Variants in SDC1 observed in about 807,000 individuals in gnomAD.
SDC1 encodes the protein syndecan-1.
SDC1 carries 14 observed loss-of-function variants against 29.7 expected under a neutral mutation model. That is an observed-to-expected ratio of 0.47 (90% CI 0.31 to 0.74). The LOEUF (loss-of-function observed/expected upper bound fraction) is 0.74, where lower values mean the gene tolerates loss of function less well. SDC1 is among the 30% of genes least tolerant of loss of function. The pLI, the probability that SDC1 is intolerant of heterozygous loss-of-function variation, is 0.05. For synonymous variants in SDC1, 204 were observed against 175.5 expected (o/e 1.16, Z -1.29); for missense variants, 406 against 400.3 (o/e 1.01, Z -0.12).
intron 1 of SDC1, among the ~76,000 whole-genome samples, chr2:20,219,791 G>A (rs768689120): frequency 1.6e-4 from 25 of 152,320 alleles, no homozygotes; most frequent in African/African-American, 4.3e-4. Context: ...GTTGAAGCCC[G>A]GCAATCGCCT....
At chr2:20,203,601 T>C (rs1236283636) in intron 3 of SDC1, among the ~76,000 whole-genome samples, 2 of 152,186 alleles carry the variant, frequency 1.3e-5, no homozygotes, top group East Asian at 1.9e-4. Flanking sequence ...AGCCCTCTCT[T>C]GGGTGATCTT....
chr2:20,219,174 C>T (rs754489830), intron 1 of SDC1, among the ~76,000 whole-genome samples: 2 of 152,102 alleles, frequency 1.3e-5, no homozygotes, highest in Non-Finnish European at 2.9e-5. Context: ...CATAAGCTTG[C>T]CCCCACCCTT....
At chr2:20,208,044 C>T (rs1378249617) in intron 1 of SDC1, 1 of 985,308 alleles carries the variant, frequency 1.0e-6, no homozygotes, top group Admixed American at 6.1e-5. Context: ...GGCACTTCGA[C>T]CCCACGAGCC....
At chr2:20,205,536 A>G in intron 1 of SDC1, 112 bp from the exon 2 acceptor site, 1 of 815,960 alleles carries the variant, frequency 1.2e-6, no homozygotes. Flanking sequence ...CTGCACAGGT[A>G]CACAGGGAGA....
chr2:20,221,934 G>C (rs1322752463), intron 1 of SDC1, among the ~76,000 whole-genome samples: 1 of 152,190 alleles, frequency 6.6e-6, no homozygotes, highest in East Asian at 1.9e-4. Context: ...CTCTCTGCCA[G>C]GCTGTGGGAA....
Position 20,224,047 on chromosome 2 carries a change from C to A in SDC1, c.66+755G>T. ...CCGGGTCCCCTCGCGTGGAAGGCGCCTGCGCCTCGGCCGTGCCCGGCACGG... is the reference window on the plus strand; with the variant it reads ...CCGGGTCCCCTCGCGTGGAAGGCGCATGCGCCTCGGCCGTGCCCGGCACGG... On this transcript the variant is annotated intron_variant, in intron 1 of 4. Coordinates refer to ENST00000254351, the MANE Select transcript of SDC1 (RefSeq NM_002997.5). The surrounding 1 kb of genome is among the most constrained non-coding windows in gnomAD (Gnocchi z 4.9). 3.9e-6 allele frequency: 1 copy of A among 254,162 alleles called. No individual in the cohort carries two copies. Among genetic ancestry groups the A allele is most frequent in the South Asian group, 2.8e-5 (1 of 36,222 alleles). The allele number at this position is 254,162 out of a possible 1,614,324, so 15.7% of individuals were successfully genotyped here. A position where few individuals can be genotyped will look rare whatever the true frequency, so the allele number is the denominator to read the frequency against.
At chr2:20,223,397 C>G in intron 1 of SDC1, 1 of 727,904 alleles carries the variant, frequency 1.4e-6, no homozygotes, top group African/African-American at 1.8e-5. Flanking sequence ...GTGGAGAACC[C>G]GAGTGCCCAC....
chr2:20,207,727 A>G (rs1311564101), intron 1 of SDC1, among the ~76,000 whole-genome samples: 2 of 152,150 alleles, frequency 1.3e-5, no homozygotes, highest in Non-Finnish European at 2.9e-5. Context: ...CAATAAAAAC[A>G]AACAGTCATG....
chr2:20,208,827 T>C (rs936345169), intron 1 of SDC1, among the ~76,000 whole-genome samples: 18 of 152,306 alleles, frequency 1.2e-4, no homozygotes, highest in African/African-American at 4.3e-4. Flanking sequence ...GCCTTTAACC[T>C]CTGTAAGTCC....
chr2:20,219,414 C>A (rs2148296343), intron 1 of SDC1, among the ~76,000 whole-genome samples: 1 of 152,342 alleles, frequency 6.6e-6, no homozygotes, highest in Middle Eastern at 3.4e-3. Context: ...GGCGTGGGCC[C>A]CATGACCACC....
intron 1 of SDC1, among the ~76,000 whole-genome samples, chr2:20,214,436 G>C (rs150129100): frequency 1.3e-5 from 2 of 152,232 alleles, no homozygotes; most frequent in South Asian, 4.1e-4. Flanking sequence ...TTTCTGTGAC[G>C]GCTCTCTCTG....
intron 1 of SDC1, among the ~76,000 whole-genome samples, chr2:20,215,121 T>C (rs1677589498): frequency 6.6e-6 from 1 of 152,216 alleles, no homozygotes; most frequent in African/African-American, 2.4e-5. Context: ...TCATTTCCAC[T>C]GGTGGCACCC....
Position 20,202,798 on chromosome 2 carries a change from T to G in SDC1, c.901A>C (p.Lys301Gln), listed in dbSNP as rs1452914437. 2 of 1,612,118 alleles carry G rather than the reference T, an allele frequency of 1.2e-6. No homozygotes were observed. Among genetic ancestry groups the G allele is most frequent in the African/African-American group, 2.7e-5 (2 of 74,830 alleles). The change falls in exon 5 of 5, where the codon AAG becomes CAG. Residue 301 changes from lysine (K) to glutamine (Q), a missense_variant. Transcript: ENST00000254351. Reference protein sequence around the residue: ...PKQANGGAYQKPTKQEEFYA With the variant: ...PKQANGGAYQQPTKQEEFYA ...TAGAATTCCTCCTGTTTGGTGGGCT[T>G]CTGGTAGGCCCCGCCGTTGGCTTGT... is the stretch of plus-strand genomic sequence containing the variant.
chr2:20,211,869 T>C (rs755252699), intron 1 of SDC1, among the ~76,000 whole-genome samples: 1 of 152,194 alleles, frequency 6.6e-6, no homozygotes, highest in African/African-American at 2.4e-5. Context: ...TGGGGAGCCC[T>C]GTGACCCTTT....
At chr2:20,218,682 C>G (rs1377978400) in intron 1 of SDC1, among the ~76,000 whole-genome samples, 1 of 151,434 alleles carries the variant, frequency 6.6e-6, no homozygotes, top group African/African-American at 2.4e-5. Context: ...CGGACACACA[C>G]ACGGACGCAC....
In SDC1 at chr2:20,210,536, C is replaced by T. The variant is rs375650869; in HGVS notation, c.67-5112G>A. Among the ~76,000 whole-genome samples the T allele has an allele frequency of 1.7e-3, 263 of 152,302 alleles. 2 individuals are homozygous for T. The highest frequency in any genetic ancestry group is 5.8e-3 in the African/African-American group (241 of 41,568). ...TCACCCCAGGCACTAACTTGGGCAGCGCAGGGGGCCTCTGATTCGCAGTCA... is the reference window on the plus strand; with the variant it reads ...TCACCCCAGGCACTAACTTGGGCAGTGCAGGGGGCCTCTGATTCGCAGTCA... On this transcript the variant is annotated intron_variant, in intron 1 of 4. Transcript: ENST00000254351.
At chr2:20,204,317 T>C in intron 2 of SDC1, 26 bp from the exon 3 acceptor site, 1 of 751,606 alleles carries the variant, frequency 1.3e-6, no homozygotes, top group Non-Finnish European at 1.8e-6. Flanking sequence ...CAGAGTGTGT[T>C]GGGGAGGTGG....
rs769181482 is a variant in SDC1, at chr2:20,224,840, G to A, written c.28C>T (p.Leu10=). 3.2e-6 allele frequency: 4 copies of A among 1,263,660 alleles called. No individual in the cohort carries two copies. The highest frequency in any genetic ancestry group is 4.0e-6 in the Non-Finnish European group (4 of 1,006,396). 78.3% of individuals were successfully genotyped at this position (1,263,660 alleles called of 1,614,324 possible). Residue 10 remains leucine, a synonymous_variant, in exon 1 of 5, where the codon CTG becomes TTG. Transcript: ENST00000254351. The surrounding 1 kb of genome is among the most constrained non-coding windows in gnomAD (Gnocchi z 4.9). MRRAALWLW[L]CALALSLQPA... ...TGCAGGCTCAGCGCCAGCGCGCACAGCCAGAGCCAGAGCGCCGCGCGCCTC... is the reference window on the plus strand; with the variant it reads ...TGCAGGCTCAGCGCCAGCGCGCACAACCAGAGCCAGAGCGCCGCGCGCCTC...
At chr2:20,205,765 G>A (rs1026335977) in intron 1 of SDC1, among the ~76,000 whole-genome samples, 5 of 152,174 alleles carry the variant, frequency 3.3e-5, no homozygotes, top group African/African-American at 4.8e-5. Flanking sequence ...AGAGGCTGTG[G>A]TCCCCATGGG....
Sources: allele counts gnomAD v4.1 joint callset (sites outside exome capture counted in the v4.1 genomes callset), GRCh38; gene constraint gnomAD v4.1.1; non-coding constraint Gnocchi (gnomAD v3.1); transcripts MANE v1.5; gene names NCBI Gene and HGNC (gene_info 2026-07-23, HGNC 2026-07-21).